The following HELB variants were observed in gnomAD, a reference collection of about 807,000 sequenced individuals.
HELB encodes the protein DNA helicase B.
In HELB, 96 loss-of-function variants were observed where a neutral mutation model predicts 101.7. That is an observed-to-expected ratio of 0.94 (90% CI 0.80 to 1.12). The LOEUF (loss-of-function observed/expected upper bound fraction) is 1.12, where lower values mean the gene tolerates loss of function less well. HELB is among the 50% of genes most tolerant of loss of function. The probability of loss-of-function intolerance (pLI) is 0.00; values close to 1 mark genes in which losing one functional copy is unlikely to be tolerated. For synonymous variants in HELB, 437 were observed against 459.7 expected (o/e 0.95, Z 0.63); for missense variants, 1,210 against 1,291.9 (o/e 0.94, Z 0.97).
At chr12:66,343,566 T>C (rs943351175) in exon 14 of HELB, 1 of 152,188 alleles carries the variant, frequency 6.6e-6, no homozygotes, top group African/African-American at 2.4e-5. Context: ...CCATCATGCT[T>C]GGTTCTTCTT....
chr12:66,306,555 A>G, intron 3 of HELB, 41 bp downstream of exon 3: 1 of 1,405,804 alleles, frequency 7.1e-7, no homozygotes, highest in Non-Finnish European at 9.5e-7. Context: ...ATCTTGTGTA[A>G]GGCATGGTTT....
intron 4 of HELB, among the ~76,000 whole-genome samples, chr12:66,312,862 G>A (rs1396923510): frequency 6.6e-6 from 1 of 152,166 alleles, no homozygotes; most frequent in Non-Finnish European, 1.5e-5. Flanking sequence ...CATTTATTGT[G>A]TATTTGAAGT....
chr12:66,337,089 A>T (rs554501066), intron 12 of HELB, among the ~76,000 whole-genome samples: 1 of 152,168 alleles, frequency 6.6e-6, no homozygotes, highest in African/African-American at 2.4e-5. Flanking sequence ...GGGCCTGAGG[A>T]TAACTCCAAG....
chr12:66,341,988 C>T (rs1479764397), downstream of HELB: 1 of 152,166 alleles, frequency 6.6e-6, no homozygotes, highest in Non-Finnish European at 1.5e-5. Flanking sequence ...TCCTTTGAGG[C>T]CCAAGTTTTA....
At chr12:66,334,758 G>A (rs915101417) in intron 12 of HELB, among the ~76,000 whole-genome samples, 3 of 151,646 alleles carry the variant, frequency 2.0e-5, no homozygotes, top group African/African-American at 4.8e-5. Context: ...CAGCCTGGGC[G>A]ACAGAATGAG....
chr12:66,337,619 TAA>T (rs34804860), intron 12 of HELB, among the ~76,000 whole-genome samples: 25 of 137,920 alleles, frequency 1.8e-4, no homozygotes, highest in Non-Finnish European at 1.9e-4. Context: ...GGCCCACACT[TAA>T]AAAAAAAAAA....
At position 66,305,062 on chromosome 12, in the gene HELB, T is replaced by C; in HGVS notation, c.519T>C (p.Thr173=). ...CACTAAGAACTTTCCACAAGGAAAC[T>C]GGAAGGAAAGATCAAAAGCAGCCTA... ...RETLRTFHKE[T]GRKDQKQPTQ... Residue 173 remains threonine, a synonymous_variant, in exon 2 of 13, where the codon ACT becomes ACC. Coordinates refer to ENST00000247815, the MANE Select transcript of HELB (RefSeq NM_001370285.1). 1 of 1,611,608 alleles carries C rather than the reference T, an allele frequency of 6.2e-7. No individual in the cohort carries two copies. The highest frequency in any genetic ancestry group is 8.5e-7 in the Non-Finnish European group (1 of 1,179,080).
intron 11 of HELB, among the ~76,000 whole-genome samples, chr12:66,329,594 T>C (rs1160579492): frequency 2.0e-5 from 3 of 152,248 alleles, no homozygotes; most frequent in South Asian, 2.1e-4. Flanking sequence ...AGGACTTTAT[T>C]TGGAGTCCCT....
At chr12:66,305,393 C>T (rs541064035) in intron 2 of HELB, among the ~76,000 whole-genome samples, 47 of 152,192 alleles carry the variant, frequency 3.1e-4, no homozygotes, top group African/African-American at 1.0e-3. Context: ...TGATTTTAAT[C>T]TCTCTTTCTA....
chr12:66,316,261 G>A (rs1208859417), intron 6 of HELB, among the ~76,000 whole-genome samples: 2 of 152,054 alleles, frequency 1.3e-5, no homozygotes, highest in Admixed American at 6.6e-5. Flanking sequence ...TTCACACGAC[G>A]ATGAACATTG....
chr12:66,342,840 G>T (rs1044843389), downstream of HELB: 1 of 151,552 alleles, frequency 6.6e-6, no homozygotes, highest in Non-Finnish European at 1.5e-5. Context: ...CATTACAGGT[G>T]CTTGCCACCA....
At position 66,306,482 on chromosome 12, in the gene HELB, G is replaced by T; in HGVS notation, c.745G>T (p.Gly249Cys). The T allele has an allele frequency of 6.3e-7, 1 of 1,592,566 alleles. No homozygotes were observed. The highest frequency in any genetic ancestry group is 8.5e-7 in the Non-Finnish European group (1 of 1,170,224). Residue 249 changes from glycine (G) to cysteine (C), a missense_variant, in exon 3 of 13, where the codon GGT (glycine) becomes TGT (cysteine). By Grantham distance (159) the Gly-to-Cys change is radical. Around this residue, in one of 2 missense-constraint regions of HELB, gnomAD observed 470 missense variants for 563.1 expected, o/e 0.83. Coordinates refer to ENST00000247815, the MANE Select transcript of HELB (RefSeq NM_001370285.1). ...EMLKEIEEILGTHPWKLGFSK... is the reference protein window; with the variant it reads ...EMLKEIEEILCTHPWKLGFSK... Reference sequence around the variant, plus strand: ...GTTGAAAGAGATAGAAGAGATTTTAGGTACACATCCGTGGAAACTTGGATT... The same window carrying T: ...GTTGAAAGAGATAGAAGAGATTTTATGTACACATCCGTGGAAACTTGGATT...
chr12:66,333,242 G>T (rs906902629), intron 12 of HELB, among the ~76,000 whole-genome samples: 2 of 152,142 alleles, frequency 1.3e-5, no homozygotes, highest in Non-Finnish European at 2.9e-5. Flanking sequence ...CAGGGGGTGT[G>T]GTGGGCAGGA....
chr12:66,310,823 C>T (rs1043087404), intron 4 of HELB, among the ~76,000 whole-genome samples: 1 of 151,988 alleles, frequency 6.6e-6, no homozygotes, highest in South Asian at 2.1e-4. Context: ...CCCAGCTACT[C>T]GGGAGGCTGA....
chr12:66,327,702 C>T (rs966516971), intron 11 of HELB, among the ~76,000 whole-genome samples: 1 of 152,004 alleles, frequency 6.6e-6, no homozygotes, highest in African/African-American at 2.4e-5. Context: ...GTGTTTGGTA[C>T]AGGTCAGTCT....
At chr12:66,323,121 G>A (rs1486046149) in intron 9 of HELB, among the ~76,000 whole-genome samples, 1 of 152,060 alleles carries the variant, frequency 6.6e-6, no homozygotes, top group South Asian at 2.1e-4. Flanking sequence ...TAGCAACAGG[G>A]TGCCTGCAGA....
chr12:66,323,663 G>GA (rs947257208), intron 9 of HELB, among the ~76,000 whole-genome samples: 8 of 152,088 alleles, frequency 5.3e-5, no homozygotes, highest in South Asian at 2.1e-4. Context: ...AATTTTAAAG[G>GA]AAAAAAATCA....
rs78353239 is a variant in HELB at position 66,334,962 on chromosome 12, G to C, written c.3163-3039G>C. Among the ~76,000 whole-genome samples the C allele has an allele frequency of 5.9e-3, 901 of 152,126 alleles. 9 individuals carry two copies. Among genetic ancestry groups the C allele is most frequent in the African/African-American group, 0.02 (813 of 41,480 alleles). On this transcript the variant is annotated intron_variant, in intron 12 of 12. Coordinates refer to ENST00000247815, the MANE Select transcript of HELB (RefSeq NM_001370285.1). The stretch of plus-strand genomic sequence containing the variant: ...GGAGTGTGGATGCATTTTGGAGATG[G>C]AGTCTGTATAACTTTCTGATTAGAT...
chr12:66,310,493 A>C lies in HELB; in HGVS notation c.1565A>C (p.Glu522Ala). Residue 522 changes from glutamate (E) to alanine (A), a missense_variant, in exon 4 of 13, where the codon GAG becomes GCG. Around this residue, in one of 2 missense-constraint regions of HELB, gnomAD observed 740 missense variants for 728.8 expected, o/e 1.02. Coordinates refer to ENST00000247815, the MANE Select transcript of HELB (RefSeq NM_001370285.1). ...TCAGAAGAATGGATTACCTTTACTG[A>C]GCAAAGTCAACTAGAGGCGGACAAG... ...NASEEWITFT[E>A]QSQLEADKAI... 6 of 1,614,240 alleles carry C rather than the reference A, an allele frequency of 3.7e-6. No individual in the cohort carries two copies. Among genetic ancestry groups the C allele is most frequent in the Non-Finnish European group, 5.1e-6 (6 of 1,180,034 alleles).
Sources: allele counts gnomAD v4.1 joint callset (sites outside exome capture counted in the v4.1 genomes callset), GRCh38; gene constraint gnomAD v4.1.1; regional missense constraint gnomAD v4.1.1; transcripts MANE v1.5; gene names NCBI Gene and HGNC (gene_info 2026-07-23, HGNC 2026-07-21).